The following NSUN7 variants were observed in gnomAD, a reference collection of about 807,000 sequenced individuals.
NSUN7 encodes protein NSUN7.
Under a neutral mutation model 58.5 loss-of-function variants are expected in NSUN7, and 39 were observed. The ratio of observed to expected loss-of-function variants is 0.67; its 90% CI spans 0.52 to 0.87. NSUN7 has a LOEUF of 0.87. NSUN7 is among the 40% of genes least tolerant of loss of function. The pLI is 0.00. For missense variants in NSUN7, 765 were observed against 844.1 expected (o/e 0.91, Z 1.16); for synonymous variants, 278 against 303.7 (o/e 0.92, Z 0.88).
intron 2 of NSUN7, among the ~76,000 whole-genome samples, chr4:40,756,870 C>T (rs1198209247): frequency 1.3e-5 from 2 of 152,112 alleles, no homozygotes; most frequent in Non-Finnish European, 2.9e-5. Flanking sequence ...TCAGTAGAAA[C>T]CATACTTTGA....
At chr4:40,785,569 C>A (rs1012848888) in intron 7 of NSUN7, among the ~76,000 whole-genome samples, 3 of 152,094 alleles carry the variant, frequency 2.0e-5, no homozygotes, top group Non-Finnish European at 4.4e-5. Context: ...CCATGTTGGC[C>A]AGGCTGGTTG....
At chr4:40,792,731 G>T (rs12330943) in intron 8 of NSUN7, among the ~76,000 whole-genome samples, 1 of 151,474 alleles carries the variant, frequency 6.6e-6, no homozygotes, top group Admixed American at 6.6e-5. Flanking sequence ...CAGCCTGGGC[G>T]ACAGCAAGAC....
intron 8 of NSUN7, among the ~76,000 whole-genome samples, chr4:40,793,957 G>C (rs1287605472): frequency 6.6e-6 from 1 of 152,090 alleles, no homozygotes; most frequent in African/African-American, 2.4e-5. Context: ...TGGAAAGTTA[G>C]TATTTTAAAC....
chr4:40,808,928 C>T lies in NSUN7; in HGVS notation c.2146C>T (p.Arg716Ter), dbSNP rs965903321. The T allele has an allele frequency of 1.4e-5, 21 of 1,519,778 alleles. No individual in the cohort carries two copies. In the Admixed American group the frequency reaches 2.9e-4, roughly 21 times the overall value. 94.1% of individuals were successfully genotyped at this position (1,519,778 alleles called of 1,614,324 possible). ...TTCCTCCCTACTCAGGCCTCCTCGG[C>T]GATGGCTTTGATTGTCTTGTGTTTT... ...TPSSLLRPPR[R>*]WL Residue 716 changes from arginine to a stop codon, truncating the protein, a stop_gained, in exon 12 of 12, where the codon CGA (arginine) becomes TGA (stop). Coordinates refer to ENST00000381782, the MANE Select transcript of NSUN7 (RefSeq NM_024677.6). LOFTEE classifies it high-confidence loss of function.
intron 7 of NSUN7, among the ~76,000 whole-genome samples, chr4:40,779,695 A>G (rs1365495077): frequency 6.6e-6 from 1 of 152,218 alleles, no homozygotes; most frequent in Non-Finnish European, 1.5e-5. Context: ...AAATGATTAT[A>G]ATCTAATGTT....
At chr4:40,804,477 T>A (rs1577588524) in intron 10 of NSUN7, among the ~76,000 whole-genome samples, 1 of 152,260 alleles carries the variant, frequency 6.6e-6, no homozygotes, top group South Asian at 2.1e-4. Flanking sequence ...CCTAGTTTTA[T>A]GAAAAGCCTT....
Position 40,750,925 on chromosome 4 carries a change from T to G in NSUN7, c.232T>G (p.Leu78Val). 1 of 1,614,234 alleles carries G rather than the reference T, an allele frequency of 6.2e-7. No individual in the cohort carries two copies. Residue 78 changes from leucine to valine, a missense_variant, in exon 2 of 12, where the codon TTG (leucine) becomes GTG (valine). Leu to Val is a conservative substitution (Grantham distance 32). Transcript: ENST00000381782. ...IKYGNEPLRS[L>V]SESEDQSFQR... ...GTATGGGAATGAACCCCTGCGGTCC[T>G]TGTCCGAGTCTGAGGATCAGTCCTT...
intron 9 of NSUN7, among the ~76,000 whole-genome samples, 170 bp downstream of exon 9, chr4:40,794,646 A>C (rs1280140238): frequency 1.3e-5 from 2 of 152,174 alleles, no homozygotes; most frequent in Admixed American, 1.3e-4. Flanking sequence ...TACCAATTTA[A>C]TCTGTTTTTA....
At position 40,775,959 on chromosome 4, in the gene NSUN7, G is replaced by A; in HGVS notation, c.826-90G>A. On this transcript the variant is annotated intron_variant, in intron 6 of 11. Coordinates refer to ENST00000381782, the MANE Select transcript of NSUN7 (RefSeq NM_024677.6). The surrounding 1 kb of genome is among the most constrained non-coding windows in gnomAD (Gnocchi z 4.3). ...TTGGTTAGGTCTCTAATATTACTAT[G>A]AGGTACTTTCTTTTATGTAAAGCAA... The A allele has an allele frequency of 1.3e-6, 1 of 741,734 alleles. No individual in the cohort carries two copies. Among genetic ancestry groups the A allele is most frequent in the Non-Finnish European group, 2.1e-6 (1 of 469,082 alleles). The allele number at this position is 741,734 out of a possible 1,614,324, so 45.9% of individuals were successfully genotyped here.
At chr4:40,753,658 G>T (rs1269808836) in intron 2 of NSUN7, among the ~76,000 whole-genome samples, 1 of 152,104 alleles carries the variant, frequency 6.6e-6, no homozygotes, top group Non-Finnish European at 1.5e-5. Context: ...AGATGGTATT[G>T]TTTACTTGTT....
At chr4:40,801,901 C>CAAAAAAAAAAA (rs56868885) in intron 10 of NSUN7, among the ~76,000 whole-genome samples, 3 of 107,400 alleles carry the variant, frequency 2.8e-5, no homozygotes, top group Admixed American at 9.1e-5. Context: ...GACTCTGTCT[C>CAAAAAAAAAAA]AAAAAAAAAA....
intron 4 of NSUN7, among the ~76,000 whole-genome samples, chr4:40,766,720 T>C (rs1225108126): frequency 1.3e-5 from 2 of 152,162 alleles, no homozygotes; most frequent in African/African-American, 4.8e-5. Flanking sequence ...CCTGGAGTTT[T>C]TTTGGTTGGT....
chr4:40,804,283 T>TA (rs1743725610), intron 10 of NSUN7, among the ~76,000 whole-genome samples: 1 of 151,646 alleles, frequency 6.6e-6, no homozygotes, highest in South Asian at 2.1e-4. Flanking sequence ...CTACTAAAAA[T>TA]AAAAAAATTA....
intron 4 of NSUN7, among the ~76,000 whole-genome samples, chr4:40,764,084 TTTA>T (rs891353946): frequency 5.8e-4 from 88 of 152,050 alleles, no homozygotes; most frequent in African/African-American, 2.1e-3. Context: ...ATTTTTTTAT[TTTA>T]TTATTATACT....
At chr4:40,783,969 TAGAA>T (rs1461368757) in intron 7 of NSUN7, among the ~76,000 whole-genome samples, 11 of 152,100 alleles carry the variant, frequency 7.2e-5, no homozygotes, top group Admixed American at 7.2e-4. Context: ...TAGCCCAACT[TAGAA>T]AGGGCAGAAG....
intron 2 of NSUN7, among the ~76,000 whole-genome samples, chr4:40,756,312 G>T (rs1354383075): frequency 6.6e-6 from 1 of 152,256 alleles, no homozygotes; most frequent in African/African-American, 2.4e-5. Context: ...AGGGTAGAGA[G>T]AGAGTTAAGG....
chr4:40,782,431 G>A (rs1194527054), intron 7 of NSUN7, among the ~76,000 whole-genome samples: 1 of 151,812 alleles, frequency 6.6e-6, no homozygotes, highest in African/African-American at 2.4e-5. Context: ...AGCCAGGCGT[G>A]GTGGCTTATG....
At chr4:40,760,315 G>T in intron 2 of NSUN7, 119 bp from the exon 3 acceptor site, 1 of 718,318 alleles carries the variant, frequency 1.4e-6, no homozygotes, top group Non-Finnish European at 2.4e-6. Flanking sequence ...CCAGAATTGA[G>T]GTATATTTTA....
intron 10 of NSUN7, among the ~76,000 whole-genome samples, chr4:40,804,355 G>A (rs1039067255): frequency 5.3e-5 from 8 of 151,550 alleles, no homozygotes; most frequent in African/African-American, 9.7e-5. Context: ...CAGGAGAATC[G>A]CTTGAACTAG....
Sources: allele counts gnomAD v4.1 joint callset (sites outside exome capture counted in the v4.1 genomes callset), GRCh38; gene constraint gnomAD v4.1.1; non-coding constraint Gnocchi (gnomAD v3.1); transcripts MANE v1.5; gene names NCBI Gene and HGNC (gene_info 2026-07-23, HGNC 2026-07-21).